The following PDZRN4 variants were observed in gnomAD, a reference collection of about 807,000 sequenced individuals.
The protein encoded by PDZRN4 is PDZ domain containing ring finger 4.
In PDZRN4, 70 loss-of-function variants were observed where a neutral mutation model predicts 99.0. The ratio of observed to expected loss-of-function variants is 0.71; its 90% confidence interval spans 0.58 to 0.86. PDZRN4 has a LOEUF of 0.86. Ranked by LOEUF, PDZRN4 falls within the 40% of genes least tolerant of loss-of-function variation. The pLI is 0.00. For synonymous variants in PDZRN4, 551 were observed against 501.6 expected (o/e 1.10, Z -1.32); for missense variants, 1,474 against 1,331.2 (o/e 1.11, Z -1.67).
Position 41,315,722 on chromosome 12 carries a change from A to G in PDZRN4, c.843+121534A>G, listed in dbSNP as rs566058875. Among the ~76,000 whole-genome samples, 29 of 152,312 alleles carry G rather than the reference A, an allele frequency of 1.9e-4. 1 individual carries two copies. Among genetic ancestry groups the G allele is most frequent in the Middle Eastern group, 3.4e-3 (1 of 294 alleles). ...TACAGTGATTATTCTAGAACTATGT[A>G]TAAGTACTATGTAGGTAAATTGCCC... On this transcript the variant is annotated intron_variant, in intron 3 of 9. Transcript: ENST00000402685.
intron 3 of PDZRN4, among the ~76,000 whole-genome samples, chr12:41,317,833 G>T (rs1162618107): frequency 6.6e-6 from 1 of 152,066 alleles, no homozygotes; most frequent in African/African-American, 2.4e-5. Flanking sequence ...CATCAGGGTA[G>T]TAACTCACTA....
At chr12:41,280,539 C>T (rs554704279) in intron 3 of PDZRN4, among the ~76,000 whole-genome samples, 19 of 152,222 alleles carry the variant, frequency 1.2e-4, no homozygotes, top group Admixed American at 7.2e-4. Context: ...GAGGGGCGTC[C>T]GCATTACTGA....
chr12:41,232,535 G>C (rs1306868168), intron 3 of PDZRN4, among the ~76,000 whole-genome samples: 1 of 152,052 alleles, frequency 6.6e-6, no homozygotes. Context: ...CATCAGGAGA[G>C]GGATAACAAA....
chr12:41,323,078 TG>T (rs1182238822), intron 3 of PDZRN4, among the ~76,000 whole-genome samples: 1 of 152,150 alleles, frequency 6.6e-6, no homozygotes, highest in Non-Finnish European at 1.5e-5. Context: ...GCTAGATTAG[TG>T]GTTGCATTAC....
At chr12:41,193,090 T>C (rs1161290577) in intron 2 of PDZRN4, among the ~76,000 whole-genome samples, 4 of 152,210 alleles carry the variant, frequency 2.6e-5, no homozygotes, top group Admixed American at 1.3e-4. Flanking sequence ...CTTCCTTGTT[T>C]TTAGTATTTT....
At chr12:41,465,625 T>C (rs1230379268) in intron 3 of PDZRN4, among the ~76,000 whole-genome samples, 3 of 152,210 alleles carry the variant, frequency 2.0e-5, no homozygotes, top group Non-Finnish European at 2.9e-5. Flanking sequence ...GTCTTTAACA[T>C]AGCTTTTGTT....
intron 3 of PDZRN4, among the ~76,000 whole-genome samples, chr12:41,462,360 T>A (rs1952880730): frequency 6.6e-6 from 1 of 152,234 alleles, no homozygotes. Context: ...AGAAAGTTAA[T>A]GTGCCAGGAA....
At chr12:41,523,105 C>T (rs1440704764) in intron 5 of PDZRN4, among the ~76,000 whole-genome samples, 1 of 151,980 alleles carries the variant, frequency 6.6e-6, no homozygotes, top group East Asian at 1.9e-4. Flanking sequence ...CTCTGAGCCT[C>T]GGGTTCCTTA....
At chr12:41,359,023 A>C (rs1195911665) in intron 3 of PDZRN4, among the ~76,000 whole-genome samples, 1 of 152,028 alleles carries the variant, frequency 6.6e-6, no homozygotes, top group African/African-American at 2.4e-5. Flanking sequence ...TTGTTTAATG[A>C]TACCACTTCA....
intron 3 of PDZRN4, among the ~76,000 whole-genome samples, chr12:41,386,039 A>C (rs1325206721): frequency 6.6e-6 from 1 of 152,218 alleles, no homozygotes; most frequent in African/African-American, 2.4e-5. Context: ...GTGATTCCTC[A>C]CATAAACAGA....
chr12:41,544,756 A>C (rs996409068), intron 5 of PDZRN4, among the ~76,000 whole-genome samples: 1 of 152,228 alleles, frequency 6.6e-6, no homozygotes, highest in African/African-American at 2.4e-5. Flanking sequence ...TTTCAGAAAG[A>C]GTGATAGACA....
chr12:41,421,410 C>T (rs944280560), intron 3 of PDZRN4, among the ~76,000 whole-genome samples: 21 of 152,106 alleles, frequency 1.4e-4, no homozygotes, highest in Admixed American at 1.2e-3. Flanking sequence ...ACAGGCTGGT[C>T]TCAAACTCCT....
At chr12:41,321,221 C>T (rs1231499270) in intron 3 of PDZRN4, among the ~76,000 whole-genome samples, 1 of 152,062 alleles carries the variant, frequency 6.6e-6, no homozygotes, top group Non-Finnish European at 1.5e-5. Flanking sequence ...TTGAGTTTTC[C>T]ATCTGCTCTT....
At chr12:41,218,185 A>C (rs1309472315) in intron 3 of PDZRN4, among the ~76,000 whole-genome samples, 1 of 152,068 alleles carries the variant, frequency 6.6e-6, no homozygotes, top group African/African-American at 2.4e-5. Flanking sequence ...ATTCAAGTAA[A>C]AGCCTCTTTT....
intron 3 of PDZRN4, among the ~76,000 whole-genome samples, chr12:41,456,346 T>TG (rs1039173165): frequency 2.7e-5 from 1 of 36,594 alleles, no homozygotes; most frequent in Non-Finnish European, 5.4e-5. Context: ...GAATGAATGG[T>TG]TGTTTATTCT....
At position 41,572,775 on chromosome 12, in the gene PDZRN4, C is replaced by T. The variant is rs1939505291; in HGVS notation, c.1996C>T (p.Leu666=). ...QGEQEGVEHE[L]QLLNEELRNI... is the part of the protein sequence containing the mutation. ...GGAGCAAGAGGGAGTGGAGCATGAG[C>T]TACAGTTGCTTAATGAAGAACTGAG... Residue 666 remains leucine (L), a synonymous_variant, in exon 10 of 10, where the codon CTA becomes TTA. Coordinates refer to ENST00000402685, the MANE Select transcript of PDZRN4 (RefSeq NM_001164595.2). The T allele has an allele frequency of 3.1e-6, 5 of 1,614,078 alleles. No individual in the cohort carries two copies. Among genetic ancestry groups the T allele is most frequent in the Non-Finnish European group, 4.2e-6 (5 of 1,179,990 alleles).
intron 3 of PDZRN4, among the ~76,000 whole-genome samples, chr12:41,393,788 G>A (rs1488437329): frequency 1.3e-5 from 2 of 152,172 alleles, no homozygotes; most frequent in African/African-American, 4.8e-5. Flanking sequence ...CCACTTCACT[G>A]CCATGCTTGG....
intron 5 of PDZRN4, among the ~76,000 whole-genome samples, chr12:41,515,872 A>G (rs183360562): frequency 1.9e-3 from 283 of 151,862 alleles, no homozygotes; most frequent in African/African-American, 6.6e-3. Flanking sequence ...ATCATCTTGT[A>G]TGACTCTGTT....
chr12:41,238,748 T>C (rs912550863), intron 3 of PDZRN4, among the ~76,000 whole-genome samples: 1 of 151,856 alleles, frequency 6.6e-6, no homozygotes, highest in Non-Finnish European at 1.5e-5. Flanking sequence ...AGAATGGCTA[T>C]TATTAAAAAA....
Sources: gnomAD v4.1 joint callset for allele counts (sites outside exome capture counted in the v4.1 genomes callset) on GRCh38, gnomAD v4.1.1 for gene constraint, MANE v1.5 for transcripts, NCBI Gene and HGNC (gene_info 2026-07-23, HGNC 2026-07-21) for gene names.